The following ZRANB1 variants were observed in gnomAD, a reference collection of about 807,000 sequenced individuals.
ZRANB1 encodes zinc finger RANBP2-type containing 1.
In ZRANB1, 16 loss-of-function variants were observed where a neutral mutation model predicts 80.5. The ratio of observed to expected loss-of-function variants is 0.20; its 90% CI spans 0.13 to 0.30. The LOEUF (loss-of-function observed/expected upper bound fraction) is 0.30, where lower values mean the gene tolerates loss of function less well. ZRANB1 is among the 10% of genes least tolerant of loss of function. The pLI is 1.00. For missense variants in ZRANB1, 576 were observed against 862.6 expected (o/e 0.67, Z 4.16); for synonymous variants, 291 against 293.1 (o/e 0.99, Z 0.07).
chr10:124,966,618 C>A lies in ZRANB1; in HGVS notation c.839C>A (p.Ala280Asp), dbSNP rs374446853. The A allele has an allele frequency of 2.5e-6, 4 of 1,613,834 alleles. No homozygotes were observed. Among genetic ancestry groups the A allele is most frequent in the Non-Finnish European group, 3.4e-6 (4 of 1,179,906 alleles). Residue 280 changes from alanine to aspartate, a missense_variant, in exon 2 of 9, where the codon GCC becomes GAC. Physicochemically the swap from Ala to Asp is moderately radical, Grantham distance 126. Transcript: ENST00000359653. ...GGGGTTGTAGAAGGTGATTTAGCTG[C>A]CATAGAAGCATACAAGTCATCAGGA... ...CVGVVEGDLA[A>D]IEAYKSSGGD...
upstream of ZRANB1, among the ~76,000 whole-genome samples, chr10:124,940,011 T>C (rs1418177547): frequency 6.6e-6 from 1 of 152,222 alleles, no homozygotes; most frequent in Non-Finnish European, 1.5e-5. Context: ...CATAGCTAAA[T>C]ATAAGCAATT....
Position 124,987,054 on chromosome 10 carries a change from G to A in ZRANB1, c.*2062G>A, listed in dbSNP as rs1564973536. 6.6e-6 allele frequency: 1 copy of A among 152,584 alleles called. No individual in the cohort carries two copies. Among genetic ancestry groups the A allele is most frequent in the Non-Finnish European group, 1.5e-5 (1 of 68,030 alleles). 9.5% of individuals were successfully genotyped at this position (152,584 alleles called of 1,614,324 possible). ...TCCCTGTGGGAAAGAATTAAAGATG[G>A]TTCCATTTCCTAGGCTACAGACAGG... is the stretch of plus-strand genomic sequence containing the variant. On this transcript the variant is annotated 3_prime_UTR_variant, in exon 9 of 9. Transcript: ENST00000359653.
chr10:124,956,408 C>G (rs1276338034), intron 1 of ZRANB1, among the ~76,000 whole-genome samples: 2 of 152,164 alleles, frequency 1.3e-5, no homozygotes, highest in Admixed American at 1.3e-4. Flanking sequence ...TTCTCTCTAC[C>G]TCCAGTCCTG....
chr10:124,972,404 G>A (rs575249228), intron 3 of ZRANB1, among the ~76,000 whole-genome samples: 86 of 151,810 alleles, frequency 5.7e-4, no homozygotes, highest in African/African-American at 2.0e-3. Flanking sequence ...TTTTCTCTTT[G>A]GTTTTATTTT....
intron 1 of ZRANB1, among the ~76,000 whole-genome samples, chr10:124,959,840 G>A (rs1951719232): frequency 6.6e-6 from 1 of 152,148 alleles, no homozygotes; most frequent in Admixed American, 6.5e-5. Flanking sequence ...TGTAGAGGGA[G>A]CAACACTTGA....
chr10:124,976,736 A>G (rs2133990442), intron 5 of ZRANB1, among the ~76,000 whole-genome samples: 1 of 151,290 alleles, frequency 6.6e-6, no homozygotes, highest in South Asian at 2.1e-4. Flanking sequence ...ATACCTGGCT[A>G]ATTTTTTGTA....
intron 6 of ZRANB1, 58 bp downstream of exon 6, chr10:124,981,887 T>C: frequency 6.3e-7 from 1 of 1,596,270 alleles, no homozygotes; most frequent in South Asian, 1.1e-5. Context: ...TAGTCTAAAC[T>C]GGTTTATTTG....
intron 8 of ZRANB1, chr10:124,984,461 T>G: frequency 3.6e-6 from 1 of 276,388 alleles, no homozygotes; most frequent in Non-Finnish European, 6.7e-6. Flanking sequence ...TACCTTGTCA[T>G]GTGTTTGAAG....
chr10:124,916,988 A>C, the ZRANB1 span, among the ~76,000 whole-genome samples: 1 of 151,606 alleles, frequency 6.6e-6, no homozygotes, highest in East Asian at 1.9e-4. Context: ...GGGGCTCCCC[A>C]GTCTCCGCGC....
chr10:124,956,904 C>T (rs1036999498), intron 1 of ZRANB1, among the ~76,000 whole-genome samples: 22 of 152,172 alleles, frequency 1.4e-4, no homozygotes, highest in African/African-American at 4.8e-4. Context: ...ATGTCTTTCT[C>T]GTGTGTATTC....
the ZRANB1 span, among the ~76,000 whole-genome samples, chr10:124,925,733 A>G: frequency 6.6e-6 from 1 of 152,166 alleles, no homozygotes; most frequent in Non-Finnish European, 1.5e-5. Context: ...AGCTTTGTGT[A>G]TAATTTGAGG....
At chr10:124,971,033 A>C (rs1462582399) in intron 2 of ZRANB1, among the ~76,000 whole-genome samples, 1 of 152,030 alleles carries the variant, frequency 6.6e-6, no homozygotes, top group African/African-American at 2.4e-5. Context: ...CATGTTGGCC[A>C]GGCTGGTCTC....
the ZRANB1 span, among the ~76,000 whole-genome samples, chr10:124,926,667 A>G: frequency 6.6e-6 from 1 of 152,190 alleles, no homozygotes; most frequent in Non-Finnish European, 1.5e-5. Flanking sequence ...GTAAAATGAC[A>G]ATAAAAAGTA....
chr10:124,983,026 T>C lies in ZRANB1; in HGVS notation c.1549-149T>C. ...TTTTACAGTTTTACTGGATTTATTA[T>C]TTGAGGAATCAAATGCTGCTTTGAC... On this transcript the variant is annotated intron_variant, in intron 6 of 8. Coordinates refer to ENST00000359653, the MANE Select transcript of ZRANB1 (RefSeq NM_017580.3). This position sits in a 1 kb window ranked among gnomAD's most constrained non-coding sequence, Gnocchi z 6.2. 1.4e-6 allele frequency: 1 copy of C among 717,584 alleles called. No homozygotes were observed. Among genetic ancestry groups the C allele is most frequent in the Non-Finnish European group, 2.2e-6 (1 of 456,780 alleles). The allele number at this position is 717,584 out of a possible 1,614,324, so 44.5% of individuals were successfully genotyped here. A position where few individuals can be genotyped will look rare whatever the true frequency, so the allele number is the denominator to read the frequency against.
At chr10:124,980,270 T>C (rs1185246542) in intron 5 of ZRANB1, among the ~76,000 whole-genome samples, 1 of 152,230 alleles carries the variant, frequency 6.6e-6, no homozygotes. Flanking sequence ...GAGACTCTGG[T>C]AGTATCAGAG....
chr10:124,969,844 G>GAACC (rs1951806933), intron 2 of ZRANB1, among the ~76,000 whole-genome samples: 1 of 152,176 alleles, frequency 6.6e-6, no homozygotes, highest in Admixed American at 6.5e-5. Flanking sequence ...AGATGGTTGA[G>GAACC]AACCATAAGG....
At chr10:124,974,151 C>G (rs1300772170) in intron 4 of ZRANB1, 49 bp from the exon 5 acceptor site, 1 of 1,589,452 alleles carries the variant, frequency 6.3e-7, no homozygotes, top group Non-Finnish European at 8.6e-7. Flanking sequence ...TGAGTATTCT[C>G]TAATGACATA....
chr10:124,928,719 C>G, the ZRANB1 span, among the ~76,000 whole-genome samples: 3 of 152,110 alleles, frequency 2.0e-5, no homozygotes, highest in African/African-American at 4.8e-5. Context: ...TATTTACGCT[C>G]TAGTGTGGAG....
chr10:124,931,208 A>G, the ZRANB1 span, among the ~76,000 whole-genome samples: 1 of 151,962 alleles, frequency 6.6e-6, no homozygotes, highest in East Asian at 1.9e-4. Flanking sequence ...AGCTGGGACT[A>G]CAGGCGTGTG....
Sources: gnomAD v4.1 joint callset for allele counts (sites outside exome capture counted in the v4.1 genomes callset) on GRCh38, gnomAD v4.1.1 for gene constraint, Gnocchi (gnomAD v3.1) non-coding constraint, MANE v1.5 for transcripts, NCBI Gene and HGNC (gene_info 2026-07-23, HGNC 2026-07-21) for gene names.